The following NT5C1A variants were observed in gnomAD, a reference collection of about 807,000 sequenced individuals.
The protein encoded by NT5C1A is 5'-nucleotidase, cytosolic IA.
NT5C1A carries 18 observed loss-of-function variants against 31.0 expected under a neutral mutation model. The ratio of observed to expected loss-of-function variants is 0.58; its 90% CI spans 0.40 to 0.86. The LOEUF is 0.86. Ranked by LOEUF, NT5C1A falls within the 40% of genes least tolerant of loss-of-function variation. The pLI is 0.00. For synonymous variants in NT5C1A, 185 were observed against 203.6 expected (o/e 0.91, Z 0.78); for missense variants, 470 against 505.4 (o/e 0.93, Z 0.67).
At position 39,654,370 on chromosome 1, in the gene NT5C1A, G is replaced by A. The variant is rs947942930; in HGVS notation, c.*4751C>T. On this transcript the variant is annotated 3_prime_UTR_variant, in exon 6 of 6. Transcript: ENST00000235628. ...AGTACATGGATGACCTTGTTGGCTC[G>A]GAGCTGCTGAAATCAACACTGGGCA... Among the ~76,000 whole-genome samples, 2 of 152,156 alleles carry A rather than the reference G, an allele frequency of 1.3e-5. No homozygotes were observed. The highest frequency in any genetic ancestry group is 2.9e-5 in the Non-Finnish European group (2 of 68,042).
chr1:39,663,501 T>C, intron 3 of NT5C1A, 67 bp from the exon 4 acceptor site: 1 of 1,547,122 alleles, frequency 6.5e-7, no homozygotes, highest in South Asian at 1.1e-5. Flanking sequence ...AGTCTCTCTG[T>C]GCCCAGTGCA....
At chr1:39,670,685 C>T (rs1646546345) in intron 1 of NT5C1A, among the ~76,000 whole-genome samples, 1 of 152,196 alleles carries the variant, frequency 6.6e-6, no homozygotes, top group Non-Finnish European at 1.5e-5. Flanking sequence ...AGCTCTTCTT[C>T]CAACAATCCT....
In NT5C1A at chr1:39,658,721, A is replaced by T. The variant is rs1292249362; in HGVS notation, c.*400T>A. Among the ~76,000 whole-genome samples, 3 of 152,200 alleles carry T rather than the reference A, an allele frequency of 2.0e-5. No homozygotes were observed. Among genetic ancestry groups the T allele is most frequent in the Non-Finnish European group, 4.4e-5 (3 of 68,032 alleles). On this transcript the variant is annotated 3_prime_UTR_variant, in exon 6 of 6. Transcript: ENST00000235628. ...GGGGAGGGATTACTCAAAGTCATGC[A>T]GTTAATACCAGGACAGAGCTTAGAA...
chr1:39,660,607 A>G (rs1646488065), intron 5 of NT5C1A, among the ~76,000 whole-genome samples: 1 of 151,938 alleles, frequency 6.6e-6, no homozygotes, highest in African/African-American at 2.4e-5. Context: ...TGAGGGAAAC[A>G]GGCTTCTTAA....
At chr1:39,661,406 A>C (rs760097158) in intron 4 of NT5C1A, 143 bp from the exon 5 acceptor site, 3 of 494,438 alleles carry the variant, frequency 6.1e-6, no homozygotes, top group Non-Finnish European at 1.1e-5. Context: ...AACTTGTAAA[A>C]ACTGGTAGTG....
chr1:39,662,550 G>C (rs1305603197), intron 4 of NT5C1A, among the ~76,000 whole-genome samples: 1 of 145,342 alleles, frequency 6.9e-6, no homozygotes, highest in South Asian at 2.1e-4. Context: ...TGAGTTATCA[G>C]GGGGAGAGGG....
In NT5C1A at chr1:39,666,153, C is replaced by T. The variant is rs2124160588; in HGVS notation, c.219G>A (p.Glu73=). The T allele has an allele frequency of 6.2e-7, 1 of 1,613,658 alleles. No homozygotes were observed. The highest frequency in any genetic ancestry group is 1.3e-5 in the African/African-American group (1 of 75,060). Residue 73 remains glutamate, a synonymous_variant, in exon 2 of 6, where the codon GAG becomes GAA. Coordinates refer to ENST00000235628, the MANE Select transcript of NT5C1A (RefSeq NM_032526.3). ...RMDEEQQIYT[E]QGVEEYVRYQ... ...AGCGCACGTACTCCTCCACGCCCTGCTCCGTGTAGATCTGCTGCTCCTCGT... is the reference window on the plus strand; with the variant it reads ...AGCGCACGTACTCCTCCACGCCCTGTTCCGTGTAGATCTGCTGCTCCTCGT...
intron 4 of NT5C1A, 67 bp downstream of exon 4, chr1:39,663,245 C>T (rs1287412341): frequency 6.3e-7 from 1 of 1,596,414 alleles, no homozygotes. Context: ...AACTTCAGGA[C>T]CAGGCCTCCC....
At position 39,661,163 on chromosome 1, in the gene NT5C1A, G is replaced by A. The variant is rs768709650; in HGVS notation, c.657C>T (p.Asp219=). 4.4e-6 allele frequency: 7 copies of A among 1,605,080 alleles called. No individual in the cohort carries two copies. The highest frequency in any genetic ancestry group is 2.2e-5 in the East Asian group (1 of 44,702). The change falls in exon 5 of 6, where the codon GAC becomes GAT. Residue 219 remains aspartate, a synonymous_variant. Transcript: ENST00000235628. ...GGGCCTTGACGATGCGCTCCGACTC[G>A]TCCGAGAAGAGCACGGCGTCCCCAT... The part of the protein sequence containing the change: ...AFDGDAVLFS[D]ESERIVKAHG...
rs1309051218 is a variant in NT5C1A, at chr1:39,652,823, C to T, written c.*6298G>A. Among the ~76,000 whole-genome samples, 2 of 151,932 alleles carry T rather than the reference C, an allele frequency of 1.3e-5. No individual in the cohort carries two copies. Among genetic ancestry groups the T allele is most frequent in the African/African-American group, 4.8e-5 (2 of 41,324 alleles). Reference sequence around the variant, plus strand: ...CAGGGAGATACTTCCCAATTAAGGTCAATGGTAAGTCACTTCTGGGCCACA... The same window carrying T: ...CAGGGAGATACTTCCCAATTAAGGTTAATGGTAAGTCACTTCTGGGCCACA... On this transcript the variant is annotated 3_prime_UTR_variant, in exon 6 of 6. Coordinates refer to ENST00000235628, the MANE Select transcript of NT5C1A (RefSeq NM_032526.3).
At chr1:39,660,091 T>C (rs1646485611) in intron 5 of NT5C1A, among the ~76,000 whole-genome samples, 1 of 152,066 alleles carries the variant, frequency 6.6e-6, no homozygotes, top group African/African-American at 2.4e-5. Flanking sequence ...CAGCTAGAAA[T>C]AAACAAAAGT....
Position 39,665,691 on chromosome 1 carries a change from A to G in NT5C1A, c.304-41T>C, listed in dbSNP as rs1310672964. The G allele has an allele frequency of 1.9e-6, 3 of 1,597,918 alleles. No individual in the cohort carries two copies. The Middle Eastern group carries it at 5.3e-4, about 285-fold the overall frequency. On this transcript the variant is annotated intron_variant, in intron 2 of 5. Coordinates refer to ENST00000235628, the MANE Select transcript of NT5C1A (RefSeq NM_032526.3). ...CACCCCCCAGCTTAGACCCCCAAGG[A>G]TTGATACCTGAAGTTGGTGGCCAAG...
At chr1:39,667,519 G>A (rs1195296880) in intron 1 of NT5C1A, among the ~76,000 whole-genome samples, 1 of 152,112 alleles carries the variant, frequency 6.6e-6, no homozygotes, top group African/African-American at 2.4e-5. Context: ...TCAAATTGAG[G>A]TCAAGGCTCA....
rs528329250 is a variant in NT5C1A at position 39,656,424 on chromosome 1, C to T, written c.*2697G>A. Among the ~76,000 whole-genome samples, 1 of 152,166 alleles carries T rather than the reference C, an allele frequency of 6.6e-6. No individual in the cohort carries two copies. The highest frequency in any genetic ancestry group is 2.4e-5 in the African/African-American group (1 of 41,440). On this transcript the variant is annotated 3_prime_UTR_variant, in exon 6 of 6. Transcript: ENST00000235628. Reference sequence around the variant, plus strand: ...ATTCCAGTGACTGAAAGCTTTTTTCCAGGCCTGAGATGCTCATTTGTGATT... The same window carrying T: ...ATTCCAGTGACTGAAAGCTTTTTTCTAGGCCTGAGATGCTCATTTGTGATT...
rs186131044 is a variant in NT5C1A, at chr1:39,659,592, A to G, written c.742-106T>C. The G allele has an allele frequency of 2.2e-5, 30 of 1,394,776 alleles. No individual in the cohort carries two copies. The South Asian group carries it at 2.4e-4, about 11-fold the overall frequency. 86.4% of individuals were successfully genotyped at this position (1,394,776 alleles called of 1,614,324 possible). The stretch of plus-strand genomic sequence containing the variant: ...CTTGTTTGGTGTGGAAAACTTCAGG[A>G]TCCCTAAATCTTTCAGTTAGCTCTG... On this transcript the variant is annotated intron_variant, in intron 5 of 5. Transcript: ENST00000235628.
Position 39,652,257 on chromosome 1 carries a change from C to T in NT5C1A, c.*6864G>A, listed in dbSNP as rs1044983937. On this transcript the variant is annotated 3_prime_UTR_variant, in exon 6 of 6. Transcript: ENST00000235628. ...TGGAGATTCAAGGGCCGGATCTCGC[C>T]TACAGAATATGTTTTATTTGGCCCA... Among the ~76,000 whole-genome samples, 1 of 151,992 alleles carries T rather than the reference C, an allele frequency of 6.6e-6. No individual in the cohort carries two copies. Among genetic ancestry groups the T allele is most frequent in the Non-Finnish European group, 1.5e-5 (1 of 68,008 alleles).
rs991839813 is a variant in NT5C1A, at chr1:39,658,141, C to T, written c.*980G>A. On this transcript the variant is annotated 3_prime_UTR_variant, in exon 6 of 6. Transcript: ENST00000235628. ...TTGGCAGGCAAGAGCAACTGAACTT[C>T]GGCTCAAAGCAAGAGCAAAGGAAAC... 6.6e-6 allele frequency among the ~76,000 whole-genome samples: 1 copy of T among 152,320 alleles called. No individual in the cohort carries two copies. Among genetic ancestry groups the T allele is most frequent in the East Asian group, 1.9e-4 (1 of 5,188 alleles).
Position 39,655,786 on chromosome 1 carries a change from C to T in NT5C1A, c.*3335G>A, listed in dbSNP as rs920934335. On this transcript the variant is annotated 3_prime_UTR_variant, in exon 6 of 6. Coordinates refer to ENST00000235628, the MANE Select transcript of NT5C1A (RefSeq NM_032526.3). The stretch of plus-strand genomic sequence containing the variant: ...CTGCATTGTGGGAAAATGGAGCGCT[C>T]ACAGTGGAAAGGTCAGCTGAGGCCA... Among the ~76,000 whole-genome samples the T allele has an allele frequency of 1.3e-5, 2 of 151,908 alleles. No homozygotes were observed. The highest frequency in any genetic ancestry group is 2.9e-5 in the Non-Finnish European group (2 of 67,984).
rs983541693 is a variant in NT5C1A, at chr1:39,653,391, CAG to C, written c.*5728_*5729del. 9.3e-4 allele frequency among the ~76,000 whole-genome samples: 141 copies of C among 152,278 alleles called. No individual in the cohort carries two copies. The highest frequency in any genetic ancestry group is 3.0e-3 in the African/African-American group (124 of 41,542). On this transcript the variant is annotated 3_prime_UTR_variant, in exon 6 of 6. Transcript: ENST00000235628. Reference sequence around the variant, plus strand: ...CACATAGTGAGTACACACACACACACAGAGTCATTGGCTGAGATATCTGGCCC... The same window carrying C: ...CACATAGTGAGTACACACACACACACAGTCATTGGCTGAGATATCTGGCCC...
Sources: allele counts gnomAD v4.1 joint callset (sites outside exome capture counted in the v4.1 genomes callset), GRCh38; gene constraint gnomAD v4.1.1; transcripts MANE v1.5; gene names NCBI Gene and HGNC (gene_info 2026-07-23, HGNC 2026-07-21).